The following ACKR3 variants were observed in gnomAD, a reference collection of about 807,000 sequenced individuals.
ACKR3 encodes atypical chemokine receptor 3, also known as C-X-C chemokine receptor type 7.
ACKR3 carries 6 observed loss-of-function variants against 22.4 expected under a neutral mutation model. The observed-to-expected ratio is 0.27, with a 90% confidence interval of 0.15 to 0.53. ACKR3 has a LOEUF of 0.53. Among genes scored for constraint, ACKR3 ranks in the 20% least tolerant of loss-of-function variants. The probability of loss-of-function intolerance (pLI) is 0.96; values close to 1 mark genes in which losing one functional copy is unlikely to be tolerated. For synonymous variants in ACKR3, 209 were observed against 205.2 expected (o/e 1.02, Z -0.16); for missense variants, 396 against 475.2 (o/e 0.83, Z 1.55).
In ACKR3 at chr2:236,580,886, G is replaced by A; in HGVS notation, c.421G>A (p.Asp141Asn). ...TTTCTTCCTCACGTGCATGAGCGTG[G>A]ACCGCTACCTCTCCATCACCTACTT... ...SIFFLTCMSV[D>N]RYLSITYFTN... is the part of the protein sequence containing the mutation. The change falls in exon 2 of 2, where the codon GAC becomes AAC. Residue 141 changes from aspartate to asparagine, a missense_variant. Transcript: ENST00000272928. 1 of 1,614,112 alleles carries A rather than the reference G, an allele frequency of 6.2e-7. No homozygotes were observed. The highest frequency in any genetic ancestry group is 8.5e-7 in the Non-Finnish European group (1 of 1,180,020).
Position 236,580,870 on chromosome 2 carries a change from C to T in ACKR3, c.405C>T (p.Leu135=). Reference sequence around the variant, plus strand: ...ACCTCTTCGGCAGCATTTTCTTCCTCACGTGCATGAGCGTGGACCGCTACC... The same window carrying T: ...ACCTCTTCGGCAGCATTTTCTTCCTTACGTGCATGAGCGTGGACCGCTACC... ...SINLFGSIFF[L]TCMSVDRYLS... The change falls in exon 2 of 2, where the codon CTC becomes CTT. Residue 135 remains leucine (L), a synonymous_variant. Transcript: ENST00000272928. The T allele has an allele frequency of 6.2e-7, 1 of 1,614,236 alleles. No individual in the cohort carries two copies. The highest frequency in any genetic ancestry group is 8.5e-7 in the Non-Finnish European group (1 of 1,180,052).
chr2:236,559,481 C>T, the ACKR3 span, among the ~76,000 whole-genome samples: 59 of 152,192 alleles, frequency 3.9e-4, no homozygotes, highest in African/African-American at 1.3e-3. Context: ...GGTACATAGC[C>T]TTTCTTCCAT....
chr2:236,550,006 G>A, the ACKR3 span, among the ~76,000 whole-genome samples: 5 of 152,182 alleles, frequency 3.3e-5, no homozygotes, highest in East Asian at 9.6e-4. This position sits in a 1 kb window ranked among gnomAD's most constrained non-coding sequence, Gnocchi z 4.6. Context: ...GCCTGCTGTG[G>A]GCAGGGCACT....
chr2:236,581,837 G>T lies in ACKR3; in HGVS notation c.*283G>T, dbSNP rs1185856972. 2 of 285,536 alleles carry T rather than the reference G, an allele frequency of 7.0e-6. No homozygotes were observed. Among genetic ancestry groups the T allele is most frequent in the Non-Finnish European group, 1.4e-5 (2 of 145,284 alleles). 17.7% of individuals were successfully genotyped at this position (285,536 alleles called of 1,614,324 possible). On this transcript the variant is annotated 3_prime_UTR_variant, in exon 2 of 2. Coordinates refer to ENST00000272928, the MANE Select transcript of ACKR3 (RefSeq NM_020311.3). The surrounding 1 kb of genome is among the most constrained non-coding windows in gnomAD (Gnocchi z 4.4). ...GCTTGCCTGGACTTCTGTAAGATAG[G>T]ATTTTCTGTGTTTCCTGAATTTTTT...
At chr2:236,542,269 G>A in the ACKR3 span, among the ~76,000 whole-genome samples, 35,728 of 152,146 alleles carry the variant, frequency 0.23, 6,102 homozygotes, top group African/African-American at 0.49. Flanking sequence ...GAGTTTTTAC[G>A]CTATAGACAT....
the ACKR3 span, among the ~76,000 whole-genome samples, chr2:236,549,195 C>T: frequency 6.6e-6 from 1 of 152,218 alleles, no homozygotes; most frequent in Non-Finnish European, 1.5e-5. This position sits in a 1 kb window ranked among gnomAD's most constrained non-coding sequence, Gnocchi z 5.3. Context: ...TGTGTCTTCT[C>T]CTCCAGCCCT....
the ACKR3 span, among the ~76,000 whole-genome samples, chr2:236,557,012 CATT>C: frequency 3.9e-5 from 6 of 152,144 alleles, no homozygotes; most frequent in Admixed American, 3.9e-4. Flanking sequence ...AAGCCACTAA[CATT>C]ATGGTGATTT....
At chr2:236,560,325 T>C in the ACKR3 span, among the ~76,000 whole-genome samples, 6 of 145,004 alleles carry the variant, frequency 4.1e-5, no homozygotes, top group African/African-American at 1.7e-4. Context: ...CCTTTTTTTT[T>C]TTTTTTTTTT....
At chr2:236,543,616 G>T in the ACKR3 span, among the ~76,000 whole-genome samples, 3 of 152,130 alleles carry the variant, frequency 2.0e-5, no homozygotes, top group Non-Finnish European at 4.4e-5. Context: ...ACCCTCCAGA[G>T]TGGGTGCCCA....
At position 236,577,241 on chromosome 2, in the gene ACKR3, T is replaced by C. The variant is rs757216141; in HGVS notation, c.-26-3199T>C. On this transcript the variant is annotated intron_variant, in intron 1 of 1. Coordinates refer to ENST00000272928, the MANE Select transcript of ACKR3 (RefSeq NM_020311.3). This position sits in a 1 kb window ranked among gnomAD's most constrained non-coding sequence, Gnocchi z 5.6. ...CCTTGGGCAGCAACAGCCATGCCCT[T>C]GTTGGAAGTTTCCCACTGTGCCACC... is the stretch of plus-strand genomic sequence containing the variant. 9.9e-5 allele frequency among the ~76,000 whole-genome samples: 15 copies of C among 152,226 alleles called. No homozygotes were observed. Among genetic ancestry groups the C allele is most frequent in the Non-Finnish European group, 1.5e-4 (10 of 68,034 alleles).
chr2:236,541,719 A>G, the ACKR3 span, among the ~76,000 whole-genome samples: 11 of 152,152 alleles, frequency 7.2e-5, no homozygotes, highest in Non-Finnish European at 1.6e-4. Context: ...TAATAATCCC[A>G]ATGTCAAGGG....
At chr2:236,539,713 G>T in the ACKR3 span, among the ~76,000 whole-genome samples, 1 of 152,068 alleles carries the variant, frequency 6.6e-6, no homozygotes, top group East Asian at 1.9e-4. Context: ...ATCTTATATT[G>T]TATTAGTCTG....
rs1245853882 is a variant in ACKR3 at position 236,581,056 on chromosome 2, G to A, written c.591G>A (p.Arg197=). The change falls in exon 2 of 2, where the codon CGG becomes CGA. Residue 197 remains arginine (R), a synonymous_variant. Coordinates refer to ENST00000272928, the MANE Select transcript of ACKR3 (RefSeq NM_020311.3). The surrounding 1 kb of genome is among the most constrained non-coding windows in gnomAD (Gnocchi z 4.4). ...TSASNNETYC[R]SFYPEHSIKE... is the part of the protein sequence containing the mutation. Reference sequence around the variant, plus strand: ...CGTCCAACAATGAGACCTACTGCCGGTCCTTCTACCCCGAGCACAGCATCA... The same window carrying A: ...CGTCCAACAATGAGACCTACTGCCGATCCTTCTACCCCGAGCACAGCATCA... 1.2e-6 allele frequency: 2 copies of A among 1,614,182 alleles called. No homozygotes were observed. Among genetic ancestry groups the A allele is most frequent in the South Asian group, 2.2e-5 (2 of 91,080 alleles).
chr2:236,560,882 T>C, the ACKR3 span, among the ~76,000 whole-genome samples: 6 of 152,192 alleles, frequency 3.9e-5, no homozygotes, highest in African/African-American at 2.4e-5. Flanking sequence ...CTATTCACAG[T>C]ATCCAAGGTA....
the ACKR3 span, among the ~76,000 whole-genome samples, chr2:236,542,169 T>C: frequency 6.6e-6 from 1 of 152,208 alleles, no homozygotes. Flanking sequence ...TGATGAAAAT[T>C]TAGGGCCTAA....
Position 236,574,823 on chromosome 2 carries a change from C to T in ACKR3, c.-27+4899C>T, listed in dbSNP as rs1237971031. The stretch of plus-strand genomic sequence containing the variant: ...TAAAACATCCCAGAAACGAGAGGTG[C>T]ATCTCCGAGAAAGTCCTGCAATTGA... On this transcript the variant is annotated intron_variant, in intron 1 of 1. Coordinates refer to ENST00000272928, the MANE Select transcript of ACKR3 (RefSeq NM_020311.3). The surrounding 1 kb of genome is among the most constrained non-coding windows in gnomAD (Gnocchi z 5.6). 2.0e-5 allele frequency among the ~76,000 whole-genome samples: 3 copies of T among 152,164 alleles called. No individual in the cohort carries two copies. The East Asian group carries it at 5.8e-4, about 29-fold the overall frequency.
the ACKR3 span, among the ~76,000 whole-genome samples, chr2:236,541,841 C>A: frequency 1.3e-5 from 2 of 152,192 alleles, no homozygotes; most frequent in Non-Finnish European, 1.5e-5. Context: ...AGTTCCCCTG[C>A]ACATGCTCTG....
chr2:236,542,035 A>C, the ACKR3 span, among the ~76,000 whole-genome samples: 1 of 152,174 alleles, frequency 6.6e-6, no homozygotes, highest in Non-Finnish European at 1.5e-5. Context: ...CACATAAACA[A>C]TCTACAAATT....
chr2:236,560,084 G>C, the ACKR3 span, among the ~76,000 whole-genome samples: 1 of 152,150 alleles, frequency 6.6e-6, no homozygotes, highest in Admixed American at 6.5e-5. Flanking sequence ...TTTTGATTAG[G>C]ACTACATTGA....
Sources: gnomAD v4.1 joint callset for allele counts (sites outside exome capture counted in the v4.1 genomes callset) on GRCh38, gnomAD v4.1.1 for gene constraint, Gnocchi (gnomAD v3.1) non-coding constraint, MANE v1.5 for transcripts, NCBI Gene and HGNC (gene_info 2026-07-23, HGNC 2026-07-21) for gene names.